GPHN: variants seen among roughly 807,000 people sequenced by gnomAD.
GPHN encodes gephyrin.
In GPHN, 17 loss-of-function variants were observed where a neutral mutation model predicts 95.5. That is an observed-to-expected ratio of 0.18 (90% CI 0.12 to 0.27). The LOEUF (loss-of-function observed/expected upper bound fraction) is 0.27. Ranked by LOEUF, GPHN falls within the 10% of genes least tolerant of loss-of-function variation. The pLI is 1.00. For synonymous variants in GPHN, 320 were observed against 322.5 expected (o/e 0.99, Z 0.08); for missense variants, 660 against 978.1 (o/e 0.67, Z 4.34).
At chr14:67,425,614 A>C in the GPHN span, among the ~76,000 whole-genome samples, 1 of 152,220 alleles carries the variant, frequency 6.6e-6, no homozygotes, top group South Asian at 2.1e-4. Flanking sequence ...CCGGCAAGAC[A>C]AAGCAGGTGA....
At chr14:67,508,496 T>C in the GPHN span, among the ~76,000 whole-genome samples, 1 of 152,054 alleles carries the variant, frequency 6.6e-6, no homozygotes, top group South Asian at 2.1e-4. Context: ...CACTGTTCCA[T>C]CATACAGCCT....
At chr14:67,376,695 A>G in the GPHN span, 1 of 1,299,578 alleles carries the variant, frequency 7.7e-7, no homozygotes, top group Non-Finnish European at 1.1e-6. Context: ...AATTTAGATT[A>G]AAATATTTTG....
the GPHN span, among the ~76,000 whole-genome samples, chr14:67,554,059 C>G: frequency 2.0e-5 from 3 of 152,178 alleles, no homozygotes; most frequent in African/African-American, 7.2e-5. Flanking sequence ...GAGCATAACT[C>G]TAACTCTCTG....
the GPHN span, among the ~76,000 whole-genome samples, chr14:67,702,283 T>A: frequency 0.21 from 31,399 of 152,146 alleles, 4,211 homozygotes; most frequent in Non-Finnish European, 0.31. Context: ...CTCAGTTTTT[T>A]AAGTTTTTTT....
chr14:66,904,648 T>C (rs1206206887), intron 5 of GPHN, among the ~76,000 whole-genome samples: 1 of 152,110 alleles, frequency 6.6e-6, no homozygotes, highest in Non-Finnish European at 1.5e-5. Flanking sequence ...CCCCAACTGC[T>C]GTTGGGAATT....
chr14:66,614,446 T>A (rs955608587), intron 1 of GPHN, among the ~76,000 whole-genome samples: 4 of 152,146 alleles, frequency 2.6e-5, no homozygotes, highest in Non-Finnish European at 5.9e-5. Context: ...TCTATTAAGA[T>A]GTAAATGATA....
At chr14:67,532,769 C>T in the GPHN span, among the ~76,000 whole-genome samples, 2 of 152,316 alleles carry the variant, frequency 1.3e-5, no homozygotes, top group South Asian at 2.1e-4. Context: ...ATTTGGTCTG[C>T]CAGACTGAAA....
chr14:67,120,441 A>C (rs772869994), intron 16 of GPHN, among the ~76,000 whole-genome samples: 1 of 152,212 alleles, frequency 6.6e-6, no homozygotes, highest in Non-Finnish European at 1.5e-5. Context: ...ACCCTCATTT[A>C]ACTAGCTATT....
chr14:66,836,140 T>A (rs1045732361), intron 4 of GPHN, among the ~76,000 whole-genome samples: 56 of 131,482 alleles, frequency 4.3e-4, no homozygotes, highest in Non-Finnish European at 4.4e-4. Context: ...GCCAAGTCAA[T>A]CCTAAGCCAA....
At chr14:67,287,227 A>T in the GPHN span, among the ~76,000 whole-genome samples, 2 of 152,154 alleles carry the variant, frequency 1.3e-5, no homozygotes, top group Non-Finnish European at 2.9e-5. Flanking sequence ...TCAAAAACAA[A>T]AACAAAAAAA....
the GPHN span, among the ~76,000 whole-genome samples, chr14:67,212,244 T>G: frequency 1.3e-5 from 2 of 152,162 alleles, no homozygotes. Flanking sequence ...TTGTCACTAA[T>G]AATTCATTTT....
At chr14:67,445,993 T>C in the GPHN span, 1 of 504,010 alleles carries the variant, frequency 2.0e-6, no homozygotes, top group Admixed American at 2.0e-5. Context: ...GTTCAAAAAA[T>C]AGGGCTTCCC....
chr14:67,484,069 T>A, the GPHN span, among the ~76,000 whole-genome samples: 1 of 152,218 alleles, frequency 6.6e-6, no homozygotes, highest in Non-Finnish European at 1.5e-5. Context: ...AGCTGAGCTG[T>A]CATATCTCAG....
chr14:66,943,652 C>G (rs1055849905), intron 8 of GPHN, among the ~76,000 whole-genome samples: 2 of 145,706 alleles, frequency 1.4e-5, no homozygotes, highest in African/African-American at 5.1e-5. Flanking sequence ...GGCACCACAA[C>G]TTTTATCATC....
chr14:67,010,595 A>C (rs2072934967), intron 9 of GPHN, among the ~76,000 whole-genome samples: 1 of 151,802 alleles, frequency 6.6e-6, no homozygotes, highest in African/African-American at 2.4e-5. Context: ...ATAAAGAAAC[A>C]TATGTAAAAC....
chr14:67,187,424 A>G, the GPHN span, among the ~76,000 whole-genome samples: 1 of 151,830 alleles, frequency 6.6e-6, no homozygotes, highest in African/African-American at 2.4e-5. Flanking sequence ...AATTTTGTGG[A>G]CTCTACTGAT....
chr14:67,630,673 A>G, the GPHN span, among the ~76,000 whole-genome samples: 4 of 152,256 alleles, frequency 2.6e-5, no homozygotes, highest in African/African-American at 9.6e-5. Context: ...TCCGCCTCCC[A>G]GGTTCAAGCA....
the GPHN span, among the ~76,000 whole-genome samples, chr14:67,351,695 C>T: frequency 0.15 from 23,263 of 151,310 alleles, 3,380 homozygotes; most frequent in East Asian, 0.42. Context: ...TCTTCTTCTT[C>T]TTTTTTGTAG....
chr14:67,033,548 A>G (rs751571398), intron 10 of GPHN, among the ~76,000 whole-genome samples: 6 of 151,986 alleles, frequency 3.9e-5, no homozygotes, highest in Non-Finnish European at 7.4e-5. Context: ...TAGGCAACAG[A>G]GTGAGACCCT....
Sources: gnomAD v4.1 joint callset for allele counts (sites outside exome capture counted in the v4.1 genomes callset) on GRCh38, gnomAD v4.1.1 for gene constraint, MANE v1.5 for transcripts, NCBI Gene and HGNC (gene_info 2026-07-23, HGNC 2026-07-21) for gene names.